Variants in NEDD9 observed in about 807,000 individuals in gnomAD.
NEDD9 encodes neural precursor cell expressed, developmentally down-regulated 9.
Under a neutral mutation model 76.6 loss-of-function variants are expected in NEDD9, and 26 were observed. The observed-to-expected ratio is 0.34, with a 90% CI of 0.25 to 0.47. The LOEUF (loss-of-function observed/expected upper bound fraction) is 0.47. Ranked by LOEUF, NEDD9 falls within the 20% of genes least tolerant of loss-of-function variation. NEDD9 has a pLI of 1.00. For synonymous variants in NEDD9, 392 were observed against 414.2 expected, an observed-to-expected ratio of 0.95 and a Z score of 0.65; for missense variants, 937 against 1,058.5, an observed-to-expected ratio of 0.89 and a Z score of 1.59.
intron 1 of NEDD9, among the ~76,000 whole-genome samples, chr6:11,214,422 G>A (rs1758885254): frequency 1.3e-5 from 2 of 152,148 alleles, no homozygotes; most frequent in Admixed American, 6.5e-5. Context: ...CTTCTCTCTC[G>A]GTCTTTTATG....
intron 1 of NEDD9, among the ~76,000 whole-genome samples, chr6:11,358,787 G>A (rs955907027): frequency 6.6e-6 from 1 of 152,248 alleles, no homozygotes; most frequent in African/African-American, 2.4e-5. Flanking sequence ...ATGGTGGGTG[G>A]CGGAGTGTTG....
chr6:11,295,119 T>C (rs1187808744), intron 3 of NEDD9, among the ~76,000 whole-genome samples: 1 of 152,078 alleles, frequency 6.6e-6, no homozygotes, highest in Non-Finnish European at 1.5e-5. Context: ...CTATATAAAT[T>C]ACCCAGTCTT....
intron 2 of NEDD9, chr6:11,207,499 T>C (rs377387626): frequency 5.3e-5 from 8 of 152,250 alleles, no homozygotes; most frequent in African/African-American, 1.9e-4. Flanking sequence ...CTTTGAATCA[T>C]TTCCTGCCAA....
At chr6:11,200,280 G>A in intron 2 of NEDD9, 1 of 457,952 alleles carries the variant, frequency 2.2e-6, no homozygotes, top group East Asian at 6.9e-5. Flanking sequence ...CCCTTGCACA[G>A]GCTGAAGACA....
intron 2 of NEDD9, among the ~76,000 whole-genome samples, chr6:11,319,972 A>G (rs73362882): frequency 0.019 from 2,909 of 152,316 alleles, 98 homozygotes; most frequent in African/African-American, 0.066. Context: ...AAGAGAGGAA[A>G]AAAATATTTC....
At chr6:11,269,529 C>T (rs1760261467) in intron 3 of NEDD9, among the ~76,000 whole-genome samples, 1 of 152,178 alleles carries the variant, frequency 6.6e-6, no homozygotes, top group African/African-American at 2.4e-5. Flanking sequence ...AAATTGCATA[C>T]AAACTTAAAT....
At chr6:11,295,656 G>A (rs1009614180) in intron 3 of NEDD9, among the ~76,000 whole-genome samples, 7 of 152,204 alleles carry the variant, frequency 4.6e-5, no homozygotes, top group African/African-American at 1.4e-4. Flanking sequence ...CCTCAGTTCA[G>A]ACAACATGGA....
At chr6:11,321,673 T>A (rs1272656544) in intron 2 of NEDD9, among the ~76,000 whole-genome samples, 1 of 152,204 alleles carries the variant, frequency 6.6e-6, no homozygotes, top group Non-Finnish European at 1.5e-5. Context: ...TTGCTAATAC[T>A]TTTTGCTGGA....
intron 1 of NEDD9, among the ~76,000 whole-genome samples, chr6:11,342,794 T>A (rs1050768267): frequency 1.3e-5 from 2 of 151,958 alleles, no homozygotes; most frequent in Non-Finnish European, 2.9e-5. Flanking sequence ...GACTCAGTAA[T>A]AAAAAAATAA....
Position 11,216,361 on chromosome 6 carries a change from C to T in NEDD9, c.13-2634G>A, listed in dbSNP as rs573465769. 3.4e-4 allele frequency among the ~76,000 whole-genome samples: 52 copies of T among 152,308 alleles called. 1 individual carries two copies. Among genetic ancestry groups the T allele is most frequent in the African/African-American group, 1.2e-3 (51 of 41,546 alleles). On this transcript the variant is annotated intron_variant, in intron 1 of 6. Transcript: ENST00000379446. The stretch of plus-strand genomic sequence containing the variant: ...TCTACATCCAGCCACTCTCCTAAAC[C>T]GAAGCTTACGGCTCCAGGGACCTTT...
At chr6:11,185,702 G>C in intron 6 of NEDD9, 31 bp from the exon 7 acceptor site, 1 of 1,608,990 alleles carries the variant, frequency 6.2e-7, no homozygotes. Context: ...GATCTCATTA[G>C]AGCAAGGGAG....
At chr6:11,219,484 T>A (rs915473939) in intron 1 of NEDD9, among the ~76,000 whole-genome samples, 4 of 152,246 alleles carry the variant, frequency 2.6e-5, no homozygotes, top group Non-Finnish European at 5.9e-5. Context: ...CTCAATGACA[T>A]GATTTTCCTG....
chr6:11,355,946 C>T (rs558544815), intron 1 of NEDD9, among the ~76,000 whole-genome samples: 10 of 152,156 alleles, frequency 6.6e-5, no homozygotes, highest in Admixed American at 6.5e-4. Context: ...TGGTCTCGAT[C>T]TCCTGACCTC....
At chr6:11,346,261 T>A (rs1762361802) in intron 1 of NEDD9, among the ~76,000 whole-genome samples, 1 of 152,172 alleles carries the variant, frequency 6.6e-6, no homozygotes. Context: ...ACCTTTTATG[T>A]TCCATGGAAG....
At chr6:11,347,067 C>T (rs1762377190) in intron 1 of NEDD9, among the ~76,000 whole-genome samples, 1 of 152,196 alleles carries the variant, frequency 6.6e-6, no homozygotes, top group African/African-American at 2.4e-5. Context: ...ATCCCCTCCA[C>T]TCTCCAGCTT....
At chr6:11,222,377 A>G (rs1311929973) in intron 1 of NEDD9, among the ~76,000 whole-genome samples, 1 of 152,218 alleles carries the variant, frequency 6.6e-6, no homozygotes, top group Admixed American at 6.5e-5. Context: ...TAGAAAACAG[A>G]TTCACACACT....
chr6:11,295,712 T>C (rs1327621031), intron 3 of NEDD9, among the ~76,000 whole-genome samples: 1 of 152,208 alleles, frequency 6.6e-6, no homozygotes, highest in African/African-American at 2.4e-5. Context: ...CTGGGGTCTT[T>C]ATCCTGATTT....
intron 3 of NEDD9, among the ~76,000 whole-genome samples, chr6:11,246,686 G>A (rs1192258157): frequency 6.6e-6 from 1 of 152,126 alleles, no homozygotes; most frequent in Non-Finnish European, 1.5e-5. Flanking sequence ...CCCACCCACA[G>A]AAAACAAGAT....
intron 3 of NEDD9, among the ~76,000 whole-genome samples, chr6:11,257,001 A>G (rs541984325): frequency 2.7e-4 from 41 of 152,286 alleles, no homozygotes; most frequent in African/African-American, 8.9e-4. Flanking sequence ...TGAATGCCAG[A>G]AAACAGGGTA....
Sources: allele counts gnomAD v4.1 joint callset (sites outside exome capture counted in the v4.1 genomes callset), GRCh38; gene constraint gnomAD v4.1.1; transcripts MANE v1.5; gene names NCBI Gene and HGNC (gene_info 2026-07-23, HGNC 2026-07-21).